Variants in RNF144B observed in about 807,000 individuals in gnomAD.
RNF144B encodes the protein ring finger protein 144B.
A neutral mutation model predicts 40.2 loss-of-function variants in RNF144B; 25 were observed. The ratio of observed to expected loss-of-function variants is 0.62; its 90% CI spans 0.45 to 0.87. RNF144B has a LOEUF of 0.87. RNF144B is among the 40% of genes least tolerant of loss of function. The pLI, the probability that RNF144B is intolerant of heterozygous loss-of-function variation, is 0.00. For synonymous variants in RNF144B, 145 were observed against 136.3 expected (o/e 1.06, Z -0.44); for missense variants, 365 against 373.7 (o/e 0.98, Z 0.19).
At position 18,464,139 on chromosome 6, in the gene RNF144B, G is replaced by A. The variant is rs1314814344; in HGVS notation, c.771+759G>A. ...TAGATCCCTGTGTACATGCCATTGT[G>A]TGTTTATGTGGCAGGTTCAAAAGGA... is the stretch of plus-strand genomic sequence containing the variant. On this transcript the variant is annotated intron_variant, in intron 7 of 7. Coordinates refer to ENST00000259939, the MANE Select transcript of RNF144B (RefSeq NM_182757.4). This position sits in a 1 kb window ranked among gnomAD's most constrained non-coding sequence, Gnocchi z 6.1. 6.6e-6 allele frequency among the ~76,000 whole-genome samples: 1 copy of A among 152,136 alleles called. No homozygotes were observed. Among genetic ancestry groups the A allele is most frequent in the African/African-American group, 2.4e-5 (1 of 41,414 alleles).
At chr6:18,407,818 C>T (rs2113471723) in intron 2 of RNF144B, among the ~76,000 whole-genome samples, 1 of 151,968 alleles carries the variant, frequency 6.6e-6, no homozygotes, top group South Asian at 2.1e-4. Context: ...GTGCTCAGTC[C>T]AATGTAGGAA....
In RNF144B at chr6:18,441,123, G is replaced by A. The variant is rs1009450138; in HGVS notation, c.331+1379G>A. Among the ~76,000 whole-genome samples the A allele has an allele frequency of 1.3e-5, 2 of 152,068 alleles. No individual in the cohort carries two copies. The highest frequency in any genetic ancestry group is 6.6e-5 in the Admixed American group (1 of 15,258). Reference sequence around the variant, plus strand: ...GACTCTCTCTAATCCATCCACATGGGCCGATTAGATTGAGCATTATAACAC... The same window carrying A: ...GACTCTCTCTAATCCATCCACATGGACCGATTAGATTGAGCATTATAACAC... On this transcript the variant is annotated intron_variant, in intron 4 of 7. Coordinates refer to ENST00000259939, the MANE Select transcript of RNF144B (RefSeq NM_182757.4). The surrounding 1 kb of genome is among the most constrained non-coding windows in gnomAD (Gnocchi z 4.9).
At chr6:18,429,922 G>C (rs1438712706) in intron 3 of RNF144B, among the ~76,000 whole-genome samples, 1 of 152,170 alleles carries the variant, frequency 6.6e-6, no homozygotes, top group Non-Finnish European at 1.5e-5. Flanking sequence ...GTCCAGCAGA[G>C]AGACAGTCAA....
Position 18,446,840 on chromosome 6 carries a change from GGTGTGTGTGTGT to G in RNF144B, c.331+7119_331+7130del, listed in dbSNP as rs70974744. Among the ~76,000 whole-genome samples, 618 of 147,924 alleles carry G rather than the reference GGTGTGTGTGTGT, an allele frequency of 4.2e-3. 7 individuals are homozygous for G. Among genetic ancestry groups the G allele is most frequent in the African/African-American group, 0.014 (571 of 40,000 alleles). ...TAAAGTTTTATTGGTTCTATTTTAG[GGTGTGTGTGTGT>G]GTGTGTGTGTGTGTGTGTGTGTCTG... is the stretch of plus-strand genomic sequence containing the variant. On this transcript the variant is annotated intron_variant, in intron 4 of 7. Transcript: ENST00000259939. This position sits in a 1 kb window ranked among gnomAD's most constrained non-coding sequence, Gnocchi z 4.7.
rs533350956 is a variant in RNF144B, at chr6:18,406,200, T to C, written c.165+6501T>C. 8.6e-4 allele frequency: 444 copies of C among 516,950 alleles called. No homozygotes were observed. Among genetic ancestry groups the C allele is most frequent in the Non-Finnish European group, 1.5e-3 (381 of 258,778 alleles). 32.0% of individuals were successfully genotyped at this position (516,950 alleles called of 1,614,324 possible). A position where few individuals can be genotyped will look rare whatever the true frequency, so the allele number is the denominator to read the frequency against. ...ACAAGTAAATACAGAAGTCAGGTGA[T>C]GGTTTGTGCTATGGAAAAATAGGGT... On this transcript the variant is annotated intron_variant, in intron 2 of 7. Transcript: ENST00000259939. The surrounding 1 kb of genome is among the most constrained non-coding windows in gnomAD (Gnocchi z 4.2).
intron 1 of RNF144B, among the ~76,000 whole-genome samples, chr6:18,389,767 A>G (rs1163689965): frequency 6.6e-6 from 1 of 152,208 alleles, no homozygotes; most frequent in Non-Finnish European, 1.5e-5. Flanking sequence ...CCAAGCTGCC[A>G]GACAAGTCAT....
rs144432964 is a variant in RNF144B at position 18,441,460 on chromosome 6, C to T, written c.331+1716C>T. ...TTCTCATGCCTCCATCAGCACTTCT[C>T]CTCTCCCATGACTGCCTGTTACTTC... On this transcript the variant is annotated intron_variant, in intron 4 of 7. Transcript: ENST00000259939. This position sits in a 1 kb window ranked among gnomAD's most constrained non-coding sequence, Gnocchi z 4.9. Among the ~76,000 whole-genome samples, 170 of 152,306 alleles carry T rather than the reference C, an allele frequency of 1.1e-3. No homozygotes were observed. The highest frequency in any genetic ancestry group is 3.6e-3 in the African/African-American group (150 of 41,570).
intron 6 of RNF144B, 120 bp from the exon 7 acceptor site, chr6:18,463,170 AG>A (rs1313060931): frequency 3.4e-5 from 22 of 643,130 alleles, no homozygotes; most frequent in Non-Finnish European, 6.2e-5. Flanking sequence ...GAATTCCTAG[AG>A]GGGGTCACTG....
chr6:18,428,622 T>C (rs1260186748), intron 3 of RNF144B, among the ~76,000 whole-genome samples: 2 of 152,198 alleles, frequency 1.3e-5, no homozygotes, highest in Non-Finnish European at 2.9e-5. Flanking sequence ...TGTAAGCCTC[T>C]GAACGACATC....
Position 18,457,526 on chromosome 6 carries a change from G to A in RNF144B, c.536+167G>A, listed in dbSNP as rs1759357310. ...GAATTGGTAAGTTGCCAACAAAAAA[G>A]CATTTCTAGTTGTTTGCCCCAGAGG... is the stretch of plus-strand genomic sequence containing the variant. On this transcript the variant is annotated intron_variant, in intron 5 of 7. Coordinates refer to ENST00000259939, the MANE Select transcript of RNF144B (RefSeq NM_182757.4). This position sits in a 1 kb window ranked among gnomAD's most constrained non-coding sequence, Gnocchi z 5.1. Among the ~76,000 whole-genome samples, 2 of 152,176 alleles carry A rather than the reference G, an allele frequency of 1.3e-5. No individual in the cohort carries two copies. Among genetic ancestry groups the A allele is most frequent in the Admixed American group, 6.5e-5 (1 of 15,274 alleles).
chr6:18,403,968 C>A (rs1010359068), intron 2 of RNF144B, among the ~76,000 whole-genome samples: 9 of 152,200 alleles, frequency 5.9e-5, no homozygotes, highest in African/African-American at 1.9e-4. Context: ...ATTCTCGCCA[C>A]AGCAAGAACT....
rs543645914 is a variant in RNF144B, at chr6:18,393,455, C to T, written c.-37+5825C>T. Among the ~76,000 whole-genome samples, 4 of 152,334 alleles carry T rather than the reference C, an allele frequency of 2.6e-5. No individual in the cohort carries two copies. The East Asian group carries it at 7.7e-4, about 29-fold the overall frequency. ...TATTTGGATTGTATTTAGGGTAGAA[C>T]TTCAGCTAATGGCTGATAATGCTCA... On this transcript the variant is annotated intron_variant, in intron 1 of 7. Transcript: ENST00000259939.
chr6:18,445,728 A>G (rs1347151874), intron 4 of RNF144B, among the ~76,000 whole-genome samples: 4 of 152,130 alleles, frequency 2.6e-5, no homozygotes, highest in African/African-American at 4.8e-5. Flanking sequence ...ACTTTTTCCC[A>G]TCTCAAAGCT....
At position 18,442,693 on chromosome 6, in the gene RNF144B, A is replaced by G. The variant is rs1218416438; in HGVS notation, c.331+2949A>G. 6.6e-6 allele frequency among the ~76,000 whole-genome samples: 1 copy of G among 152,166 alleles called. No individual in the cohort carries two copies. Among genetic ancestry groups the G allele is most frequent in the Non-Finnish European group, 1.5e-5 (1 of 68,024 alleles). ...TCCCAAATTCTGTAGCCATTAACCA[A>G]TAAGTCCTTATTCCTCCTCCCTGAA... On this transcript the variant is annotated intron_variant, in intron 4 of 7. Transcript: ENST00000259939. This position sits in a 1 kb window ranked among gnomAD's most constrained non-coding sequence, Gnocchi z 4.3.
intron 4 of RNF144B, among the ~76,000 whole-genome samples, chr6:18,455,106 A>T (rs1367120862): frequency 6.6e-6 from 1 of 152,208 alleles, no homozygotes; most frequent in Non-Finnish European, 1.5e-5. Flanking sequence ...GGAAGAAAAT[A>T]TTAAATGGTG....
intron 3 of RNF144B, among the ~76,000 whole-genome samples, chr6:18,438,071 A>AC (rs924505063): frequency 7.2e-5 from 11 of 152,052 alleles, no homozygotes; most frequent in African/African-American, 2.4e-4. Context: ...AGATGGTATC[A>AC]CCCCCCAAGT....
rs912643635 is a variant in RNF144B at position 18,465,807 on chromosome 6, C to T, written c.*740C>T. On this transcript the variant is annotated 3_prime_UTR_variant, in exon 8 of 8. Transcript: ENST00000259939. ...GCAAATGTAAGTTTTCTAAGTTGGC[C>T]AACTTGTCTCTTACAGCCAGTGGCT... The T allele has an allele frequency of 6.6e-6, 1 of 152,176 alleles. No individual in the cohort carries two copies. Among genetic ancestry groups the T allele is most frequent in the Non-Finnish European group, 1.5e-5 (1 of 68,038 alleles). The allele number at this position is 152,176 out of a possible 1,614,324, so 9.4% of individuals were successfully genotyped here.
At chr6:18,455,828 T>C (rs2113533232) in intron 4 of RNF144B, among the ~76,000 whole-genome samples, 1 of 152,360 alleles carries the variant, frequency 6.6e-6, no homozygotes, top group African/African-American at 2.4e-5. Context: ...GCCAATGTGT[T>C]ATGACTAGCT....
chr6:18,427,794 G>A (rs749457209), intron 3 of RNF144B, 109 bp downstream of exon 3: 11 of 715,698 alleles, frequency 1.5e-5, no homozygotes, highest in Admixed American at 2.8e-5. Context: ...AAATACAGAG[G>A]TTAACTTTTT....
Sources: gnomAD v4.1 joint callset for allele counts (sites outside exome capture counted in the v4.1 genomes callset) on GRCh38, gnomAD v4.1.1 for gene constraint, Gnocchi (gnomAD v3.1) non-coding constraint, MANE v1.5 for transcripts, NCBI Gene and HGNC (gene_info 2026-07-23, HGNC 2026-07-21) for gene names.